PRELID2: variants seen among roughly 807,000 people sequenced by gnomAD.
PRELID2 encodes the protein PRELI domain containing 2.
PRELID2 carries 25 observed loss-of-function variants against 28.4 expected under a neutral mutation model. The observed-to-expected ratio is 0.88, with a 90% CI of 0.64 to 1.23. The LOEUF (loss-of-function observed/expected upper bound fraction) is 1.23. Ranked by LOEUF, PRELID2 falls within the 50% of genes most tolerant of loss-of-function variation. The pLI, the probability that PRELID2 is intolerant of heterozygous loss-of-function variation, is 0.00. For missense variants in PRELID2, 201 were observed against 214.4 expected, an observed-to-expected ratio of 0.94 and a Z score of 0.39; for synonymous variants, 76 against 71.6, an observed-to-expected ratio of 1.06 and a Z score of -0.31.
At chr5:145,264,925 G>C in the PRELID2 span, among the ~76,000 whole-genome samples, 15 of 120,908 alleles carry the variant, frequency 1.2e-4, no homozygotes, top group African/African-American at 1.6e-4. Flanking sequence ...AGTGAGTCAA[G>C]ATCATGCCAT....
intron 1 of PRELID2, among the ~76,000 whole-genome samples, chr5:145,632,887 C>T (rs1753951503): frequency 6.6e-6 from 1 of 152,156 alleles, no homozygotes; most frequent in Admixed American, 6.5e-5. Flanking sequence ...TAGGCAAGCT[C>T]TCAAATCCAG....
At chr5:145,745,757 GGAGGCT>G (rs1459410053) in intron 1 of PRELID2, among the ~76,000 whole-genome samples, 1 of 152,004 alleles carries the variant, frequency 6.6e-6, no homozygotes, top group African/African-American at 2.4e-5. Flanking sequence ...CAGCTACTCA[GGAGGCT>G]GAGGCAGGAG....
chr5:145,683,705 G>GTC (rs138334737), intron 1 of PRELID2, among the ~76,000 whole-genome samples: 5,162 of 152,152 alleles, frequency 0.034, 282 homozygotes, highest in African/African-American at 0.12. Context: ...TCCAAATACA[G>GTC]ATACTCTCAG....
At chr5:145,291,055 A>C in the PRELID2 span, among the ~76,000 whole-genome samples, 4 of 151,794 alleles carry the variant, frequency 2.6e-5, no homozygotes, top group African/African-American at 9.7e-5. Flanking sequence ...TTAAAAAAAA[A>C]GGGGTCGGAC....
intron 5 of PRELID2, among the ~76,000 whole-genome samples, chr5:145,780,034 C>G (rs180774780): frequency 6.6e-6 from 1 of 152,170 alleles, no homozygotes; most frequent in Non-Finnish European, 1.5e-5. Context: ...CAACAGGGGC[C>G]GGGCATGGTG....
intron 1 of PRELID2, among the ~76,000 whole-genome samples, chr5:145,610,448 T>C (rs1218074791): frequency 1.3e-5 from 2 of 148,562 alleles, no homozygotes; most frequent in African/African-American, 5.2e-5. Context: ...AGAGAAAAGA[T>C]CATCATTCTC....
At chr5:145,511,669 A>T (rs1752462606) in intron 1 of PRELID2, among the ~76,000 whole-genome samples, 1 of 152,192 alleles carries the variant, frequency 6.6e-6, no homozygotes, top group Admixed American at 6.5e-5. Flanking sequence ...AACTCTGGGC[A>T]TGAAGTCTGC....
At chr5:145,407,596 C>A in the PRELID2 span, among the ~76,000 whole-genome samples, 5 of 152,262 alleles carry the variant, frequency 3.3e-5, no homozygotes, top group Non-Finnish European at 7.4e-5. Context: ...TAAAAAACCC[C>A]AGTACTTTTC....
the PRELID2 span, among the ~76,000 whole-genome samples, chr5:145,343,889 A>G: frequency 6.6e-6 from 1 of 151,944 alleles, no homozygotes; most frequent in South Asian, 2.1e-4. Context: ...AAACAGATAT[A>G]TACCAACAGA....
At chr5:145,305,194 G>A in the PRELID2 span, among the ~76,000 whole-genome samples, 1 of 152,088 alleles carries the variant, frequency 6.6e-6, no homozygotes, top group Non-Finnish European at 1.5e-5. Flanking sequence ...TTGAAAGCTG[G>A]AAAGCAAAAG....
rs534965030 is a variant in PRELID2, at chr5:145,829,315, T to G, written c.75+5862A>C. ...AGAAAATATTCCTAATTCAAATGTG[T>G]ACCTTTATTCATGCTCACTCTCTCC... On this transcript the variant is annotated intron_variant, in intron 1 of 6. Coordinates refer to ENST00000683046, the MANE Select transcript of PRELID2 (RefSeq NM_205846.3). 8.5e-5 allele frequency among the ~76,000 whole-genome samples: 13 copies of G among 152,340 alleles called. No individual in the cohort carries two copies. In the South Asian group the frequency reaches 2.5e-3, roughly 29 times the overall value.
At chr5:145,555,817 A>G (rs923067495) in intron 1 of PRELID2, among the ~76,000 whole-genome samples, 1 of 152,164 alleles carries the variant, frequency 6.6e-6, no homozygotes, top group Non-Finnish European at 1.5e-5. Context: ...AAAAGGTCTT[A>G]GTTCCTGATA....
At chr5:145,382,954 TG>T in the PRELID2 span, among the ~76,000 whole-genome samples, 1 of 151,848 alleles carries the variant, frequency 6.6e-6, no homozygotes, top group South Asian at 2.1e-4. Flanking sequence ...TTAAAACCTC[TG>T]AAACACTACT....
rs140984311 is a variant in PRELID2, at chr5:145,498,623, G to A, written n.71-25308C>T. Among the ~76,000 whole-genome samples the A allele has an allele frequency of 5.4e-3, 815 of 152,132 alleles. 4 individuals carry two copies. The highest frequency in any genetic ancestry group is 8.6e-3 in the Non-Finnish European group (588 of 67,988). ...CAGCTCACTGTAACCTCCGCCTCCC[G>A]GTTCAAGCGATTCTCCTGCCTCAGC... On this transcript the variant is annotated intron_variant and non_coding_transcript_variant, in intron 1 of 2. Transcript: ENST00000510259.
intron 1 of PRELID2, among the ~76,000 whole-genome samples, chr5:145,735,229 T>TGTGA (rs1396616082): frequency 5.6e-5 from 8 of 142,700 alleles, no homozygotes; most frequent in Non-Finnish European, 9.0e-5. Flanking sequence ...CGGGCGACAG[T>TGTGA]GTGAGTCTCC....
At chr5:145,428,373 C>A in the PRELID2 span, among the ~76,000 whole-genome samples, 5 of 152,116 alleles carry the variant, frequency 3.3e-5, no homozygotes, top group Admixed American at 6.6e-5. Flanking sequence ...TCTATTTATT[C>A]ATTCATTTAT....
At chr5:145,514,557 T>A (rs529017968) in intron 1 of PRELID2, among the ~76,000 whole-genome samples, 1 of 152,266 alleles carries the variant, frequency 6.6e-6, no homozygotes, top group South Asian at 2.1e-4. Context: ...TGGGAGACTT[T>A]AACACTCCAC....
chr5:145,822,179 G>T (rs1188494503), intron 2 of PRELID2, among the ~76,000 whole-genome samples: 1 of 152,132 alleles, frequency 6.6e-6, no homozygotes, highest in East Asian at 1.9e-4. Flanking sequence ...CCAAAGCTTT[G>T]TACATTGACT....
intron 1 of PRELID2, among the ~76,000 whole-genome samples, chr5:145,665,013 T>C (rs77985310): frequency 0.014 from 2,191 of 152,154 alleles, 50 homozygotes; most frequent in African/African-American, 0.051. Flanking sequence ...CCATCAACTT[T>C]GTTTTGGTTG....
Sources: allele counts gnomAD v4.1 joint callset (sites outside exome capture counted in the v4.1 genomes callset), GRCh38; gene constraint gnomAD v4.1.1; transcripts MANE v1.5; gene names NCBI Gene and HGNC (gene_info 2026-07-23, HGNC 2026-07-21).